The following COX10 variants were observed in gnomAD, a reference collection of about 807,000 sequenced individuals.
COX10 encodes the protein protoheme IX farnesyltransferase, mitochondrial.
A neutral mutation model predicts 37.3 loss-of-function variants in COX10; 27 were observed. That is an observed-to-expected ratio of 0.72 (90% CI 0.53 to 1.00). COX10 has a LOEUF of 1.00. COX10 is among the 50% of genes least tolerant of loss of function. The pLI, the probability that COX10 is intolerant of heterozygous loss-of-function variation, is 0.00. For synonymous variants in COX10, 222 were observed against 229.1 expected, an observed-to-expected ratio of 0.97 and a Z score of 0.28; for missense variants, 475 against 563.2, an observed-to-expected ratio of 0.84 and a Z score of 1.59.
intron 5 of COX10, among the ~76,000 whole-genome samples, chr17:14,190,821 C>T (rs1454408828): frequency 6.6e-6 from 1 of 152,098 alleles, no homozygotes; most frequent in African/African-American, 2.4e-5. Flanking sequence ...GATACAGGCC[C>T]TCTCTCCTGC....
intron 1 of COX10, among the ~76,000 whole-genome samples, chr17:14,071,408 T>C (rs932886586): frequency 1.1e-4 from 16 of 152,120 alleles, no homozygotes; most frequent in African/African-American, 3.1e-4. Flanking sequence ...AAAACTCTGC[T>C]AGTAAGTGGT....
intron 3 of COX10, among the ~76,000 whole-genome samples, chr17:14,094,470 C>T (rs1013388937): frequency 7.2e-5 from 11 of 152,102 alleles, no homozygotes; most frequent in African/African-American, 2.7e-4. Flanking sequence ...GTGGTATCCA[C>T]ACCTTTCTTT....
chr17:14,199,901 T>A (rs1906495067), intron 6 of COX10, among the ~76,000 whole-genome samples: 1 of 152,160 alleles, frequency 6.6e-6, no homozygotes, highest in Non-Finnish European at 1.5e-5. Context: ...GCCCCCAGTC[T>A]ACATAACCAC....
chr17:14,205,289 C>T (rs2142272041), intron 6 of COX10, among the ~76,000 whole-genome samples: 1 of 152,308 alleles, frequency 6.6e-6, no homozygotes, highest in South Asian at 2.1e-4. Flanking sequence ...CCTCCACCAG[C>T]CCTGACTTGA....
At chr17:14,197,903 T>C (rs994628505) in intron 6 of COX10, among the ~76,000 whole-genome samples, 14 of 152,378 alleles carry the variant, frequency 9.2e-5, no homozygotes, top group African/African-American at 3.4e-4. Flanking sequence ...GTAATCATTA[T>C]AATGGGATTT....
At chr17:14,077,330 G>A in intron 3 of COX10, 1 of 409,242 alleles carries the variant, frequency 2.4e-6, no homozygotes, top group Admixed American at 4.2e-5. Context: ...TTATTTCCTT[G>A]TCTTTAGTGT....
chr17:14,070,038 C>T (rs1914978694), intron 1 of COX10, among the ~76,000 whole-genome samples: 1 of 152,246 alleles, frequency 6.6e-6, no homozygotes, highest in Admixed American at 6.5e-5. Context: ...TTTGCTTCCA[C>T]TCAGAAGCCT....
At chr17:14,148,325 C>G (rs1345902592) in intron 4 of COX10, among the ~76,000 whole-genome samples, 4 of 152,232 alleles carry the variant, frequency 2.6e-5, no homozygotes, top group Middle Eastern at 3.4e-3. Flanking sequence ...GAATTGGTAA[C>G]CAGAGAGTAA....
chr17:14,146,418 T>C (rs1904721077), intron 4 of COX10, among the ~76,000 whole-genome samples: 1 of 152,112 alleles, frequency 6.6e-6, no homozygotes, highest in Non-Finnish European at 1.5e-5. Flanking sequence ...CTTCAATAAA[T>C]GGTGCAGGGA....
At chr17:14,080,548 C>G (rs1567586547) in intron 3 of COX10, among the ~76,000 whole-genome samples, 1 of 152,224 alleles carries the variant, frequency 6.6e-6, no homozygotes, top group Non-Finnish European at 1.5e-5. Flanking sequence ...GTAGAGTCCA[C>G]TCCTGCATAA....
intron 6 of COX10, among the ~76,000 whole-genome samples, chr17:14,197,572 G>C (rs562572623): frequency 6.6e-6 from 1 of 152,390 alleles, no homozygotes; most frequent in African/African-American, 2.4e-5. Context: ...CATGGGGTAA[G>C]TGAGGTAGGA....
At chr17:14,085,304 A>G (rs1915386176) in intron 3 of COX10, among the ~76,000 whole-genome samples, 1 of 152,164 alleles carries the variant, frequency 6.6e-6, no homozygotes, top group Non-Finnish European at 1.5e-5. Flanking sequence ...AAATGGGGTT[A>G]TATTACATGT....
chr17:14,110,493 G>T (rs1444521079), intron 4 of COX10, among the ~76,000 whole-genome samples: 1 of 152,058 alleles, frequency 6.6e-6, no homozygotes, highest in Non-Finnish European at 1.5e-5. Context: ...AATTCTTGGT[G>T]TGTATCTCTG....
intron 6 of COX10, among the ~76,000 whole-genome samples, chr17:14,198,624 G>A (rs533679906): frequency 6.6e-6 from 1 of 152,288 alleles, no homozygotes; most frequent in East Asian, 1.9e-4. Flanking sequence ...TTTGGCAGAT[G>A]GATGGTTTTA....
At chr17:14,132,497 G>A (rs565043884) in intron 4 of COX10, among the ~76,000 whole-genome samples, 68 of 151,828 alleles carry the variant, frequency 4.5e-4, no homozygotes, top group Middle Eastern at 3.4e-3. Context: ...TTACCGAATG[G>A]TGGTGGCTGT....
At chr17:14,119,640 G>A (rs1054839552) in intron 4 of COX10, among the ~76,000 whole-genome samples, 2 of 152,192 alleles carry the variant, frequency 1.3e-5, no homozygotes, top group Non-Finnish European at 2.9e-5. Context: ...AAGATGAGTA[G>A]GAGTTTTCTA....
chr17:14,102,189 C>T lies in COX10; in HGVS notation c.571C>T (p.Leu191Phe). 6.2e-7 allele frequency: 1 copy of T among 1,613,788 alleles called. No individual in the cohort carries two copies. The highest frequency in any genetic ancestry group is 8.5e-7 in the Non-Finnish European group (1 of 1,179,784). Residue 191 changes from leucine to phenylalanine, a missense_variant, in exon 4 of 7, where the codon CTT becomes TTT. Transcript: ENST00000261643. ...PGPFDWPCFL[L>F]TSVGTGLASC... The stretch of plus-strand genomic sequence containing the variant: ...CCCTTTTGACTGGCCCTGTTTCCTG[C>T]TTACTTCTGTTGGGACAGGCCTTGC...
intron 3 of COX10, among the ~76,000 whole-genome samples, chr17:14,094,835 G>A (rs1021167887): frequency 6.6e-6 from 1 of 152,200 alleles, no homozygotes; most frequent in African/African-American, 2.4e-5. Flanking sequence ...ACCAGACACT[G>A]TGCTCAGTGC....
chr17:14,085,552 A>G (rs1915391013), intron 3 of COX10, among the ~76,000 whole-genome samples: 1 of 152,110 alleles, frequency 6.6e-6, no homozygotes, highest in Non-Finnish European at 1.5e-5. Flanking sequence ...TTTTTTTCTC[A>G]AAGTTAGCTG....
Sources: allele counts gnomAD v4.1 joint callset (sites outside exome capture counted in the v4.1 genomes callset), GRCh38; gene constraint gnomAD v4.1.1; transcripts MANE v1.5; gene names NCBI Gene and HGNC (gene_info 2026-07-23, HGNC 2026-07-21).